Variants in TAB3 observed in about 807,000 individuals in gnomAD.
TAB3 encodes TGF-beta-activated kinase 1 and MAP3K7-binding protein 3.
In TAB3, 18 loss-of-function variants were observed where a neutral mutation model predicts 48.1. The observed-to-expected ratio is 0.37, with a 90% confidence interval of 0.26 to 0.55. The LOEUF (loss-of-function observed/expected upper bound fraction) is 0.55. TAB3 is among the 20% of genes least tolerant of loss of function. The probability of loss-of-function intolerance (pLI) is 0.78; values close to 1 mark genes in which losing one functional copy is unlikely to be tolerated. For synonymous variants in TAB3, 185 were observed against 190.2 expected (o/e 0.97, Z 0.22); for missense variants, 414 against 549.8 (o/e 0.75, Z 2.47).
chrX:30,837,237 C>A (rs975012694), intron 9 of TAB3, among the ~76,000 whole-genome samples: 1 of 109,109 alleles, frequency 9.2e-6, no homozygotes, highest in Admixed American at 9.8e-5. Context: ...TTAGTAGACA[C>A]GGAGTTTCAC....
chrX:30,888,750 G>A (rs746364938), intron 1 of TAB3, among the ~76,000 whole-genome samples: 10 of 112,740 alleles, frequency 8.9e-5, no homozygotes, highest in African/African-American at 3.2e-4. Flanking sequence ...ACACCTTCCT[G>A]GGGGCTTAAA....
chrX:30,832,673 C>T (rs1938061471), intron 10 of TAB3, among the ~76,000 whole-genome samples: 1 of 111,974 alleles, frequency 8.9e-6, no homozygotes, highest in South Asian at 3.7e-4. Flanking sequence ...GAATTTTAGA[C>T]CCTGAACCTT....
intron 9 of TAB3, among the ~76,000 whole-genome samples, chrX:30,839,914 TTATATATATATATATATATA>T: frequency 1.2e-5 from 1 of 82,218 alleles, no homozygotes; most frequent in African/African-American, 4.3e-5. Flanking sequence ...CATATATATA[TTATATATATATATATATATA>T]TATATATATA....
At chrX:30,852,367 TGAATTA>T (rs1453739093) in intron 7 of TAB3, among the ~76,000 whole-genome samples, 2 of 112,263 alleles carry the variant, frequency 1.8e-5, no homozygotes, top group African/African-American at 6.5e-5. Context: ...CTAACTCATC[TGAATTA>T]ATGTACTTAC....
At chrX:30,859,417 A>G in intron 5 of TAB3, 70 bp downstream of exon 5, 1 of 782,698 alleles carries the variant, frequency 1.3e-6, no homozygotes, top group South Asian at 2.3e-5. Flanking sequence ...GGTTCTAATT[A>G]CATCACACAT....
chrX:30,853,368 C>T (rs763146339), intron 6 of TAB3, among the ~76,000 whole-genome samples: 1 of 112,725 alleles, frequency 8.9e-6, no homozygotes, highest in South Asian at 3.6e-4. Flanking sequence ...AGTAATTCCA[C>T]TTTTATATAT....
chrX:30,851,705 A>G (rs1248841245), intron 7 of TAB3, among the ~76,000 whole-genome samples: 1 of 112,104 alleles, frequency 8.9e-6, no homozygotes, highest in Non-Finnish European at 1.9e-5. Flanking sequence ...GAGGCCTGAC[A>G]TATGCCCACT....
chrX:30,888,622 T>C (rs1423659483), intron 1 of TAB3, among the ~76,000 whole-genome samples: 1 of 112,337 alleles, frequency 8.9e-6, no homozygotes, highest in African/African-American at 3.2e-5. Context: ...ACTCAACACC[T>C]ACCAACAGTC....
Position 30,828,134 on chromosome X carries a change from A to G in TAB3, c.*3293T>C, listed in dbSNP as rs1291529654. On this transcript the variant is annotated 3_prime_UTR_variant, in exon 11 of 11. Transcript: ENST00000288422. Reference sequence around the variant, plus strand: ...TCCAGGATACATCATTGATATTTTTAGAGGACAATTCTTCTATGCCTTATA... The same window carrying G: ...TCCAGGATACATCATTGATATTTTTGGAGGACAATTCTTCTATGCCTTATA... 2 of 112,467 alleles carry G rather than the reference A, an allele frequency of 1.8e-5. No individual in the cohort carries two copies. The highest frequency in any genetic ancestry group is 3.8e-5 in the Non-Finnish European group (2 of 53,298). 9.3% of individuals were successfully genotyped at this position (112,467 alleles called of 1,213,427 possible). A position where few individuals can be genotyped will look rare whatever the true frequency, so the allele number is the denominator to read the frequency against.
intron 8 of TAB3, chrX:30,845,909 T>A: frequency 1.2e-6 from 1 of 861,780 alleles, no homozygotes; most frequent in Non-Finnish European, 1.5e-6. Context: ...ATTCAACCGA[T>A]GGGAGCAATA....
At chrX:30,875,234 AACAG>A (rs778559665) in intron 1 of TAB3, among the ~76,000 whole-genome samples, 3 of 112,580 alleles carry the variant, frequency 2.7e-5, no homozygotes, top group East Asian at 5.5e-4. Flanking sequence ...CTGTAATATT[AACAG>A]ACAAAGAACA....
At position 30,828,529 on chromosome X, in the gene TAB3, A is replaced by T. The variant is rs1937947365; in HGVS notation, c.*2898T>A. ...TCAATATCAATTCAAAACATTTTAC[A>T]ATGCTTAAAAAGTTTCTGGCTCCTC... On this transcript the variant is annotated 3_prime_UTR_variant, in exon 11 of 11. Coordinates refer to ENST00000288422, the MANE Select transcript of TAB3 (RefSeq NM_152787.5). The T allele has an allele frequency of 8.9e-6, 1 of 112,715 alleles. No individual in the cohort carries two copies. The highest frequency in any genetic ancestry group is 1.9e-5 in the Non-Finnish European group (1 of 53,427). The allele number at this position is 112,715 out of a possible 1,213,427, so 9.3% of individuals were successfully genotyped here.
Position 30,852,816 on chromosome X carries a change from G to T in TAB3, c.1672C>A (p.Arg558=). 8.3e-7 allele frequency: 1 copy of T among 1,211,026 alleles called. No individual in the cohort carries two copies. The highest frequency in any genetic ancestry group is 1.1e-6 in the Non-Finnish European group (1 of 895,171). Reference sequence around the variant, plus strand: ...GTGGTGCAGCTGACTCTTCTGAGCCGTCTCTGCATCAGGTCATGCTCCATA... The same window carrying T: ...GTGGTGCAGCTGACTCTTCTGAGCCTTCTCTGCATCAGGTCATGCTCCATA... ...NGMEHDLMQR[R]LRRVSCTTAI... Residue 558 remains arginine (R), a synonymous_variant, in exon 7 of 11, where the codon CGG becomes AGG. Coordinates refer to ENST00000288422, the MANE Select transcript of TAB3 (RefSeq NM_152787.5).
At chrX:30,845,467 AGACTTTGTGGACCTGT>A (rs1251547226) in intron 8 of TAB3, 12 of 111,991 alleles carry the variant, frequency 1.1e-4, no homozygotes, top group African/African-American at 3.6e-4. Context: ...ATAATATTTT[AGACTTTGTGGACCTGT>A]GATAGAGTCT....
chrX:30,873,507 A>G (rs1168148549), intron 1 of TAB3, among the ~76,000 whole-genome samples: 1 of 103,020 alleles, frequency 9.7e-6, no homozygotes, highest in Non-Finnish European at 2.0e-5. Flanking sequence ...CCTGGGCGAC[A>G]GAACGAGACT....
At chrX:30,856,970 G>A (rs940007822) in intron 5 of TAB3, among the ~76,000 whole-genome samples, 1 of 111,254 alleles carries the variant, frequency 9.0e-6, no homozygotes, top group Non-Finnish European at 1.9e-5. Flanking sequence ...TTATTAAACT[G>A]GAGCTTTAGG....
chrX:30,848,778 T>C (rs1234227512), intron 7 of TAB3, among the ~76,000 whole-genome samples: 2 of 111,572 alleles, frequency 1.8e-5, no homozygotes, highest in Non-Finnish European at 3.8e-5. Context: ...GTAGCCAACA[T>C]TTCAAAATAA....
At chrX:30,883,142 C>T (rs1257419440) in intron 1 of TAB3, among the ~76,000 whole-genome samples, 2 of 110,951 alleles carry the variant, frequency 1.8e-5, no homozygotes, top group East Asian at 5.7e-4. Context: ...AATAAACCCC[C>T]CTAAACCCCT....
intron 7 of TAB3, among the ~76,000 whole-genome samples, chrX:30,846,875 G>A (rs937672305): frequency 9.0e-6 from 1 of 111,661 alleles, no homozygotes; most frequent in Admixed American, 9.5e-5. Context: ...ATAAAGTGGC[G>A]AGCTGCAGTA....
Sources: gnomAD v4.1 joint callset for allele counts (sites outside exome capture counted in the v4.1 genomes callset) on GRCh38, gnomAD v4.1.1 for gene constraint, MANE v1.5 for transcripts, NCBI Gene and HGNC (gene_info 2026-07-23, HGNC 2026-07-21) for gene names.